DNAJC1: variants seen among roughly 807,000 people sequenced by gnomAD.
DNAJC1 encodes the protein DnaJ heat shock protein family (Hsp40) member C1, also known as dnaJ homolog subfamily C member 1.
Under a neutral mutation model 76.6 loss-of-function variants are expected in DNAJC1, and 58 were observed. The observed-to-expected ratio is 0.76, with a 90% CI of 0.61 to 0.94. The LOEUF is 0.94. Ranked by LOEUF, DNAJC1 falls within the 40% of genes least tolerant of loss-of-function variation. DNAJC1 has a pLI of 0.00. For missense variants in DNAJC1, 689 were observed against 677.3 expected (o/e 1.02, Z -0.19); for synonymous variants, 258 against 267.9 (o/e 0.96, Z 0.36).
At chr10:21,847,380 T>C (rs1271430367) in intron 8 of DNAJC1, among the ~76,000 whole-genome samples, 1 of 152,194 alleles carries the variant, frequency 6.6e-6, no homozygotes, top group Non-Finnish European at 1.5e-5. Context: ...TGCATACATA[T>C]ATTAAATCAG....
intron 9 of DNAJC1, 150 bp downstream of exon 9, chr10:21,805,830 C>A: frequency 1.1e-6 from 1 of 949,248 alleles, no homozygotes; most frequent in South Asian, 1.8e-5. Context: ...CTGCTTCTCA[C>A]TTATTGCATT....
intron 8 of DNAJC1, among the ~76,000 whole-genome samples, chr10:21,857,442 T>A (rs949879172): frequency 6.6e-6 from 1 of 152,156 alleles, no homozygotes; most frequent in Non-Finnish European, 1.5e-5. Flanking sequence ...GAAGCTGAGA[T>A]GACAAGACTT....
intron 1 of DNAJC1, among the ~76,000 whole-genome samples, chr10:21,932,100 G>T (rs1837236683): frequency 6.6e-6 from 1 of 152,194 alleles, no homozygotes; most frequent in Non-Finnish European, 1.5e-5. Flanking sequence ...ACTTTGGAAG[G>T]CTGAGGCAGG....
intron 9 of DNAJC1, among the ~76,000 whole-genome samples, chr10:21,782,765 G>T (rs571007599): frequency 1.9e-4 from 29 of 152,074 alleles, no homozygotes; most frequent in African/African-American, 6.8e-4. Flanking sequence ...ATCAATAAAC[G>T]TAATCCATCA....
chr10:21,924,028 CAAT>C (rs933811905), intron 3 of DNAJC1, among the ~76,000 whole-genome samples: 1 of 151,796 alleles, frequency 6.6e-6, no homozygotes, highest in Non-Finnish European at 1.5e-5. Flanking sequence ...TAGTTTAAAA[CAAT>C]AATAACATAA....
intron 8 of DNAJC1, among the ~76,000 whole-genome samples, chr10:21,832,702 G>A (rs1026644611): frequency 2.0e-5 from 3 of 152,048 alleles, no homozygotes; most frequent in African/African-American, 4.8e-5. Flanking sequence ...CTCTTACTAA[G>A]ACTATTGCAA....
At chr10:21,814,580 C>A (rs1835043767) in intron 8 of DNAJC1, among the ~76,000 whole-genome samples, 1 of 152,182 alleles carries the variant, frequency 6.6e-6, no homozygotes, top group Non-Finnish European at 1.5e-5. Context: ...GGTGGGTTGT[C>A]TTACAGTACA....
intron 1 of DNAJC1, among the ~76,000 whole-genome samples, chr10:22,001,456 G>A (rs1378508559): frequency 6.6e-6 from 1 of 152,174 alleles, no homozygotes; most frequent in East Asian, 1.9e-4. Flanking sequence ...GAGAAACACA[G>A]GTTAAAACAA....
At chr10:21,774,057 C>T (rs907679798) in intron 9 of DNAJC1, among the ~76,000 whole-genome samples, 3 of 145,902 alleles carry the variant, frequency 2.1e-5, no homozygotes, top group African/African-American at 5.1e-5. Flanking sequence ...AGGAGAATGG[C>T]GTGAACCCGG....
In DNAJC1 at chr10:21,903,692, T is replaced by C. The variant is rs570057628; in HGVS notation, c.820+830A>G. ...TAAAGCTGTCCAGACACCTGAAGGA[T>C]TGTGATAGACTGAAAAATGACCCCC... is the stretch of plus-strand genomic sequence containing the variant. On this transcript the variant is annotated intron_variant, in intron 7 of 11. Transcript: ENST00000376980. 4.0e-3 allele frequency among the ~76,000 whole-genome samples: 612 copies of C among 152,180 alleles called. 2 individuals are homozygous for C. The highest frequency in any genetic ancestry group is 6.0e-3 in the Non-Finnish European group (411 of 68,010).
At chr10:21,852,348 G>A (rs1231815031) in intron 8 of DNAJC1, among the ~76,000 whole-genome samples, 2 of 152,132 alleles carry the variant, frequency 1.3e-5, no homozygotes, top group Non-Finnish European at 2.9e-5. Context: ...ATTGCTCAAT[G>A]GGTACAGTTT....
At chr10:21,947,423 C>T (rs571377814) in intron 1 of DNAJC1, among the ~76,000 whole-genome samples, 1 of 152,284 alleles carries the variant, frequency 6.6e-6, no homozygotes, top group East Asian at 1.9e-4. Flanking sequence ...AGACTAGCCT[C>T]TCCTCTCAGT....
At chr10:21,881,667 G>GT (rs1285173372) in intron 8 of DNAJC1, among the ~76,000 whole-genome samples, 2 of 151,824 alleles carry the variant, frequency 1.3e-5, no homozygotes, top group African/African-American at 2.4e-5. Flanking sequence ...AATTATAACA[G>GT]TAACGTCAGA....
chr10:21,882,909 T>A (rs1227492091), intron 7 of DNAJC1, among the ~76,000 whole-genome samples: 8 of 152,056 alleles, frequency 5.3e-5, no homozygotes, highest in Admixed American at 5.2e-4. Context: ...TCTGGCAACA[T>A]CAAGAGTAGT....
At position 22,003,601 on chromosome 10, in the gene DNAJC1, C is replaced by A. The variant is rs965917414; in HGVS notation, c.-167G>T. On this transcript the variant is annotated 5_prime_UTR_variant, in exon 1 of 12. Coordinates refer to ENST00000376980, the MANE Select transcript of DNAJC1 (RefSeq NM_022365.4). ...GGCCCCAGACAGAGCGCGGAGGCGG[C>A]GGGAGCCGGCTGCCGGACGGGCGGG... The A allele has an allele frequency of 1.3e-6, 1 of 773,690 alleles. No homozygotes were observed. The highest frequency in any genetic ancestry group is 1.7e-6 in the Non-Finnish European group (1 of 572,322). The allele number at this position is 773,690 out of a possible 1,614,324, so 47.9% of individuals were successfully genotyped here.
chr10:21,769,861 T>C (rs1464727521), intron 9 of DNAJC1, among the ~76,000 whole-genome samples: 1 of 152,094 alleles, frequency 6.6e-6, no homozygotes, highest in Non-Finnish European at 1.5e-5. Context: ...TAATTTTGTA[T>C]TTTTAGTAGA....
chr10:21,872,637 A>C (rs978570640), intron 8 of DNAJC1, among the ~76,000 whole-genome samples: 2 of 152,208 alleles, frequency 1.3e-5, no homozygotes, highest in African/African-American at 2.4e-5. Flanking sequence ...GGAACAGAAT[A>C]AAAAGGAATA....
chr10:21,767,366 A>G (rs1006519262), intron 9 of DNAJC1, among the ~76,000 whole-genome samples: 1 of 151,018 alleles, frequency 6.6e-6, no homozygotes, highest in Non-Finnish European at 1.5e-5. Flanking sequence ...TCTTCATTTA[A>G]CAATGTCTTT....
At position 21,901,462 on chromosome 10, in the gene DNAJC1, A is replaced by G. The variant is rs191866426; in HGVS notation, c.820+3060T>C. On this transcript the variant is annotated intron_variant, in intron 7 of 11. Coordinates refer to ENST00000376980, the MANE Select transcript of DNAJC1 (RefSeq NM_022365.4). ...ATTAACCCTCAAAAGTCTAATATTT[A>G]TAAGTATTCAACTTATTTAAACCTA... is the stretch of plus-strand genomic sequence containing the variant. Among the ~76,000 whole-genome samples the G allele has an allele frequency of 4.8e-3, 728 of 152,362 alleles. 3 individuals carry two copies. Among genetic ancestry groups the G allele is most frequent in the Non-Finnish European group, 7.8e-3 (530 of 68,034 alleles).
Sources: gnomAD v4.1 joint callset for allele counts (sites outside exome capture counted in the v4.1 genomes callset) on GRCh38, gnomAD v4.1.1 for gene constraint, MANE v1.5 for transcripts, NCBI Gene and HGNC (gene_info 2026-07-23, HGNC 2026-07-21) for gene names.